RGL1: variants seen among roughly 807,000 people sequenced by gnomAD.
RGL1 encodes the protein ral guanine nucleotide dissociation stimulator like 1, also known as ral guanine nucleotide dissociation stimulator-like 1.
A neutral mutation model predicts 95.2 loss-of-function variants in RGL1; 24 were observed. That is an observed-to-expected ratio of 0.25 (90% CI 0.18 to 0.35). RGL1 has a LOEUF of 0.35. RGL1 is among the 10% of genes least tolerant of loss of function. RGL1 has a pLI of 1.00. For synonymous variants in RGL1, 329 were observed against 344.9 expected (o/e 0.95, Z 0.51); for missense variants, 715 against 936.3 (o/e 0.76, Z 3.08).
intron 17 of RGL1, 42 bp from the exon 18 acceptor site, chr1:183,926,063 C>T (rs1292307068): frequency 1.9e-6 from 3 of 1,569,884 alleles, no homozygotes; most frequent in Admixed American, 3.4e-5. Flanking sequence ...ACTGAGCTGA[C>T]CTCCACAAGC....
At chr1:183,916,382 A>G (rs900846369) in intron 15 of RGL1, 65 bp from the exon 16 acceptor site, 1 of 1,580,924 alleles carries the variant, frequency 6.3e-7, no homozygotes, top group Non-Finnish European at 8.6e-7. Context: ...CTCTGCTTTG[A>G]AAATTGCAAA....
intron 1 of RGL1, among the ~76,000 whole-genome samples, chr1:183,666,136 G>A (rs1454969960): frequency 6.6e-6 from 1 of 151,320 alleles, no homozygotes; most frequent in Non-Finnish European, 1.5e-5. Context: ...CTCCAGAGTA[G>A]CTGGGATTAC....
chr1:183,755,691 T>G (rs1658282336), intron 2 of RGL1, among the ~76,000 whole-genome samples: 1 of 152,134 alleles, frequency 6.6e-6, no homozygotes, highest in Admixed American at 6.5e-5. Flanking sequence ...AAAGTTGATC[T>G]TAAAAAACGG....
chr1:183,794,338 T>G (rs2102386318), intron 2 of RGL1, among the ~76,000 whole-genome samples: 1 of 152,236 alleles, frequency 6.6e-6, no homozygotes, highest in South Asian at 2.1e-4. Flanking sequence ...AAAGGTACAG[T>G]TGGAAGGATT....
intron 2 of RGL1, among the ~76,000 whole-genome samples, chr1:183,819,664 G>A (rs746301331): frequency 6.6e-6 from 1 of 152,028 alleles, no homozygotes; most frequent in Non-Finnish European, 1.5e-5. Flanking sequence ...CTTCCTGCAT[G>A]CTTCCTTGCC....
intron 2 of RGL1, among the ~76,000 whole-genome samples, chr1:183,753,433 A>G (rs1658145989): frequency 6.6e-6 from 1 of 152,186 alleles, no homozygotes; most frequent in South Asian, 2.1e-4. Flanking sequence ...TTTAAAATCC[A>G]CAGTTTTGTG....
intron 3 of RGL1, among the ~76,000 whole-genome samples, chr1:183,850,038 A>G (rs1664737092): frequency 6.6e-6 from 1 of 152,076 alleles, no homozygotes. Flanking sequence ...TTTTCTCTCT[A>G]CTTTTGAAAC....
At chr1:183,684,527 C>T (rs1179618612) in intron 1 of RGL1, among the ~76,000 whole-genome samples, 1 of 152,176 alleles carries the variant, frequency 6.6e-6, no homozygotes. Context: ...TTCTGGGCTT[C>T]ATGGGGGTGG....
Position 183,736,781 on chromosome 1 carries a change from T to G in RGL1, c.-32-5345T>G, listed in dbSNP as rs191844731. 8.5e-5 allele frequency among the ~76,000 whole-genome samples: 13 copies of G among 152,206 alleles called. No individual in the cohort carries two copies. The East Asian group carries it at 2.5e-3, about 29-fold the overall frequency. On this transcript the variant is annotated intron_variant, in intron 1 of 18. Transcript: ENST00000304685. The stretch of plus-strand genomic sequence containing the variant: ...GAAATCTGAGTTGAGTTTGAAAAAT[T>G]GAAAGATTTCTTCAGGTAGAAGCAA...
chr1:183,916,770 C>A, intron 16 of RGL1, 69 bp downstream of exon 16: 1 of 1,546,088 alleles, frequency 6.5e-7, no homozygotes, highest in African/African-American at 1.4e-5. Context: ...GTCGGCCGCT[C>A]AGACTAATAG....
intron 4 of RGL1, among the ~76,000 whole-genome samples, chr1:183,878,194 A>ATCTG (rs926336345): frequency 3.7e-4 from 55 of 148,406 alleles, no homozygotes; most frequent in African/African-American, 1.1e-3. Flanking sequence ...CTATCTATCT[A>ATCTG]TCTGTCTATC....
At chr1:183,708,133 GAC>G (rs1655032930) in intron 1 of RGL1, among the ~76,000 whole-genome samples, 2 of 152,150 alleles carry the variant, frequency 1.3e-5, no homozygotes, top group Admixed American at 6.5e-5. Flanking sequence ...TGCAAAAAAA[GAC>G]AAGGCGCTTA....
upstream of RGL1, among the ~76,000 whole-genome samples, chr1:183,803,756 T>A (rs1353398219): frequency 1.3e-5 from 2 of 152,210 alleles, no homozygotes; most frequent in Non-Finnish European, 2.9e-5. Flanking sequence ...CAAGATCACC[T>A]AATAGGTCCT....
At chr1:183,877,651 C>T (rs1488881729) in intron 4 of RGL1, among the ~76,000 whole-genome samples, 4 of 152,324 alleles carry the variant, frequency 2.6e-5, no homozygotes, top group East Asian at 3.9e-4. Context: ...TCTTCGTCCT[C>T]CTCCCCCTTC....
intron 2 of RGL1, among the ~76,000 whole-genome samples, chr1:183,811,205 G>T (rs146008296): frequency 1.3e-5 from 2 of 152,214 alleles, no homozygotes; most frequent in African/African-American, 4.8e-5. Flanking sequence ...AGGGCACAAA[G>T]GTATCAATTA....
chr1:183,924,605 C>T (rs993933241), intron 17 of RGL1, among the ~76,000 whole-genome samples: 2 of 151,828 alleles, frequency 1.3e-5, no homozygotes, highest in African/African-American at 2.4e-5. Flanking sequence ...CACATGTACC[C>T]CAGACCTTAA....
chr1:183,693,267 A>G (rs1302109340), intron 1 of RGL1, among the ~76,000 whole-genome samples: 2 of 152,038 alleles, frequency 1.3e-5, no homozygotes, highest in East Asian at 1.9e-4. Flanking sequence ...AATGTTTAAT[A>G]TATCAAATAT....
At chr1:183,764,476 C>T (rs1246853488) in intron 2 of RGL1, among the ~76,000 whole-genome samples, 2 of 152,062 alleles carry the variant, frequency 1.3e-5, no homozygotes, top group African/African-American at 4.8e-5. Flanking sequence ...TCTGGGAGCC[C>T]TAATGGTTTC....
chr1:183,731,795 G>A (rs968435317), intron 1 of RGL1, among the ~76,000 whole-genome samples: 1 of 152,104 alleles, frequency 6.6e-6, no homozygotes, highest in African/African-American at 2.4e-5. Flanking sequence ...TAATACACTT[G>A]TGTATTTCTC....
Sources: allele counts gnomAD v4.1 joint callset (sites outside exome capture counted in the v4.1 genomes callset), GRCh38; gene constraint gnomAD v4.1.1; transcripts MANE v1.5; gene names NCBI Gene and HGNC (gene_info 2026-07-23, HGNC 2026-07-21).